DYNC1H1: variants seen among roughly 807,000 people sequenced by gnomAD.
DYNC1H1 encodes the protein cytoplasmic dynein 1 heavy chain 1.
DYNC1H1 carries 51 observed loss-of-function variants against 527.1 expected under a neutral mutation model. The ratio of observed to expected loss-of-function variants is 0.10; its 90% CI spans 0.08 to 0.12. DYNC1H1 has a LOEUF of 0.12. Ranked by LOEUF, DYNC1H1 falls within the 10% of genes least tolerant of loss-of-function variation. The pLI, the probability that DYNC1H1 is intolerant of heterozygous loss-of-function variation, is 1.00. For synonymous variants in DYNC1H1, 2,189 were observed against 2,278.8 expected (o/e 0.96, Z 1.12); for missense variants, 2,771 against 5,971.8 (o/e 0.46, Z 17.66).
At position 102,005,373 on chromosome 14, in the gene DYNC1H1, AG is replaced by A; in HGVS notation, c.5433+140del. 8.1e-7 allele frequency: 1 copy of A among 1,239,342 alleles called. No individual in the cohort carries two copies. The highest frequency in any genetic ancestry group is 2.3e-5 in the East Asian group (1 of 43,092). 76.8% of individuals were successfully genotyped at this position (1,239,342 alleles called of 1,614,324 possible). On this transcript the variant is annotated intron_variant, in intron 26 of 77. Transcript: ENST00000360184. The surrounding 1 kb of genome is among the most constrained non-coding windows in gnomAD (Gnocchi z 4.0). Reference sequence around the variant, plus strand: ...GTGGATGGTGTATGGATATCCTCTGAGGGTGGGCATTTGGCTCCCTGTCCCT... The same window carrying A: ...GTGGATGGTGTATGGATATCCTCTGAGGTGGGCATTTGGCTCCCTGTCCCT...
intron 1 of DYNC1H1, among the ~76,000 whole-genome samples, chr14:101,966,430 A>G (rs2047669038): frequency 6.7e-6 from 1 of 150,254 alleles, no homozygotes; most frequent in African/African-American, 2.4e-5. Flanking sequence ...AAATTTATCT[A>G]CTCTTTTTTT....
In DYNC1H1 at chr14:102,009,798, T is replaced by G. The variant is rs1213738063; in HGVS notation, c.5978-45T>G. On this transcript the variant is annotated intron_variant, in intron 29 of 77. Transcript: ENST00000360184. Reference sequence around the variant, plus strand: ...GACATTTTAGAATGCATTTTGTTTTTTTTTTTTAACATTTCTAGTCTTAAC... The same window carrying G: ...GACATTTTAGAATGCATTTTGTTTTGTTTTTTTAACATTTCTAGTCTTAAC... The G allele has an allele frequency of 3.1e-6, 5 of 1,613,598 alleles. No individual in the cohort carries two copies. In the African/African-American group the frequency reaches 4.0e-5, roughly 13 times the overall value.
At chr14:101,967,417 C>A (rs2047680917) in intron 1 of DYNC1H1, among the ~76,000 whole-genome samples, 4 of 152,148 alleles carry the variant, frequency 2.6e-5, no homozygotes, top group Admixed American at 6.5e-5. Flanking sequence ...TTATTCCTTC[C>A]ACTTTTTTTG....
chr14:102,011,057 G>GT lies in DYNC1H1; in HGVS notation c.6618+106dup, dbSNP rs781138843. ...TTCGATGAAACTGTCCACAAAGGCT[G>GT]TGGAGGTGCATAATATGCTTTATGA... On this transcript the variant is annotated intron_variant, in intron 32 of 77. Transcript: ENST00000360184. This position sits in a 1 kb window ranked among gnomAD's most constrained non-coding sequence, Gnocchi z 5.3. 12 of 1,211,982 alleles carry GT rather than the reference G, an allele frequency of 9.9e-6. No homozygotes were observed. The highest frequency in any genetic ancestry group is 1.5e-5 in the Non-Finnish European group (12 of 819,278). The allele number at this position is 1,211,982 out of a possible 1,614,324, so 75.1% of individuals were successfully genotyped here.
At position 101,985,727 on chromosome 14, in the gene DYNC1H1, A is replaced by C; in HGVS notation, c.1502A>C (p.Glu501Ala). Residue 501 changes from glutamate (E) to alanine (A), a missense_variant, in exon 8 of 78, where the codon GAA becomes GCA. Transcript: ENST00000360184. The surrounding 1 kb of genome is among the most constrained non-coding windows in gnomAD (Gnocchi z 5.9). ...CAACAGAATCAAGGAGAGGTCCCTG[A>C]ACCCCAAGATATGAAAGTGGCTGAG... is the stretch of plus-strand genomic sequence containing the variant. Reference protein sequence around the residue: ...VAQQNQGEVPEPQDMKVAEVL... With the variant: ...VAQQNQGEVPAPQDMKVAEVL... 6.2e-7 allele frequency: 1 copy of C among 1,614,218 alleles called. No homozygotes were observed. The highest frequency in any genetic ancestry group is 8.5e-7 in the Non-Finnish European group (1 of 1,180,048).
At position 102,018,376 on chromosome 14, in the gene DYNC1H1, G is replaced by A. The variant is rs567418558; in HGVS notation, c.8178-75G>A. 3.9e-5 allele frequency: 62 copies of A among 1,576,092 alleles called. No homozygotes were observed. Among genetic ancestry groups the A allele is most frequent in the Non-Finnish European group, 4.3e-5 (50 of 1,165,580 alleles). On this transcript the variant is annotated intron_variant, in intron 40 of 77. Transcript: ENST00000360184. The surrounding 1 kb of genome is among the most constrained non-coding windows in gnomAD (Gnocchi z 5.2). ...CTCCAGACAGGGCCCTGGACAGGGC[G>A]ACTCCACTGGCACACTGCCCCTTCC...
chr14:101,985,000 G>C (rs928176814), intron 7 of DYNC1H1, among the ~76,000 whole-genome samples: 1 of 148,668 alleles, frequency 6.7e-6, no homozygotes, highest in Non-Finnish European at 1.5e-5. Context: ...GGCTGGTCTC[G>C]AGCTCCTGAC....
At chr14:102,026,767 T>C (rs1205117379) in intron 44 of DYNC1H1, 60 bp downstream of exon 44, 2 of 1,592,706 alleles carry the variant, frequency 1.3e-6, no homozygotes, top group African/African-American at 2.7e-5. Context: ...AGTAAGTGTG[T>C]GTGCCGGGTC....
chr14:102,028,243 G>C (rs1422639271), intron 48 of DYNC1H1, 102 bp downstream of exon 48: 4 of 1,388,978 alleles, frequency 2.9e-6, no homozygotes, highest in Non-Finnish European at 4.0e-6. Flanking sequence ...CAGGTGCAGT[G>C]ACTCATGCCT....
chr14:102,040,222 T>TG lies in DYNC1H1; in HGVS notation c.11691-13dup. On this transcript the variant is annotated splice_polypyrimidine_tract_variant and intron_variant, in intron 62 of 77. Transcript: ENST00000360184. Reference sequence around the variant, plus strand: ...ACGTGAGAGACCCTAGCTAACCTGTTGCACCCTTCGCAGGGAGCCCACCTA... The same window carrying TG: ...ACGTGAGAGACCCTAGCTAACCTGTTGGCACCCTTCGCAGGGAGCCCACCTA... 2.5e-6 allele frequency: 4 copies of TG among 1,614,120 alleles called. No individual in the cohort carries two copies. Among genetic ancestry groups the TG allele is most frequent in the Non-Finnish European group, 3.4e-6 (4 of 1,180,036 alleles).
Position 102,036,341 on chromosome 14 carries a change from G to A in DYNC1H1, c.10755-148G>A. ...TAGCATTAAGCATGTAAGCTTTATT[G>A]GTAAACCTGAAAACGTCTCCGGAAA... On this transcript the variant is annotated intron_variant, in intron 56 of 77. Coordinates refer to ENST00000360184, the MANE Select transcript of DYNC1H1 (RefSeq NM_001376.5). The surrounding 1 kb of genome is among the most constrained non-coding windows in gnomAD (Gnocchi z 5.6). 2 of 954,734 alleles carry A rather than the reference G, an allele frequency of 2.1e-6. No individual in the cohort carries two copies. Among genetic ancestry groups the A allele is most frequent in the Non-Finnish European group, 3.3e-6 (2 of 607,222 alleles). 59.1% of individuals were successfully genotyped at this position (954,734 alleles called of 1,614,324 possible). A position where few individuals can be genotyped will look rare whatever the true frequency, so the allele number is the denominator to read the frequency against.
At chr14:101,981,263 A>G (rs140059103) in intron 5 of DYNC1H1, among the ~76,000 whole-genome samples, 130 of 152,152 alleles carry the variant, frequency 8.5e-4, no homozygotes, top group Non-Finnish European at 1.6e-3. Flanking sequence ...AGCTGGGACT[A>G]CAGGGATGTA....
chr14:101,996,575 A>C (rs7151151), intron 15 of DYNC1H1, among the ~76,000 whole-genome samples: 19,701 of 152,104 alleles, frequency 0.13, 1,989 homozygotes, highest in African/African-American at 0.28. Flanking sequence ...TCTGGCCACG[A>C]TGTCTTAGGA....
chr14:101,983,345 C>G lies in DYNC1H1; in HGVS notation c.1234-37C>G, dbSNP rs191457034. 4 of 1,613,792 alleles carry G rather than the reference C, an allele frequency of 2.5e-6. No individual in the cohort carries two copies. The East Asian group carries it at 6.7e-5, about 27-fold the overall frequency. On this transcript the variant is annotated intron_variant, in intron 6 of 77. Coordinates refer to ENST00000360184, the MANE Select transcript of DYNC1H1 (RefSeq NM_001376.5). The surrounding 1 kb of genome is among the most constrained non-coding windows in gnomAD (Gnocchi z 5.3). ...TCAAGACATTGAGATGAAAATATGT[C>G]TTAATAATAAGCCTCACTTTTGAAA... is the stretch of plus-strand genomic sequence containing the variant.
At chr14:102,034,258 T>TA (rs2048544636) in intron 55 of DYNC1H1, 67 bp from the exon 56 acceptor site, 2 of 1,614,126 alleles carry the variant, frequency 1.2e-6, no homozygotes, top group Non-Finnish European at 1.7e-6. Flanking sequence ...AGTGCACAGT[T>TA]AGAGTCTTGA....
At chr14:101,991,782 A>C in intron 11 of DYNC1H1, 109 bp downstream of exon 11, 1 of 1,497,348 alleles carries the variant, frequency 6.7e-7, no homozygotes, top group Non-Finnish European at 9.2e-7. Flanking sequence ...TGTTGTTTAC[A>C]AACTCCAGAC....
rs1311975935 is a variant in DYNC1H1 at position 102,042,581 on chromosome 14, G to A, written c.12400-54G>A. 3 of 1,613,554 alleles carry A rather than the reference G, an allele frequency of 1.9e-6. No individual in the cohort carries two copies. The highest frequency in any genetic ancestry group is 1.1e-5 in the South Asian group (1 of 91,000). ...CTGTCGGCACGTGTGTGGTGGAATT[G>A]AACAGGCGCCCTCATCCACACCCGA... is the stretch of plus-strand genomic sequence containing the variant. On this transcript the variant is annotated intron_variant, in intron 68 of 77. Transcript: ENST00000360184. The surrounding 1 kb of genome is among the most constrained non-coding windows in gnomAD (Gnocchi z 5.7).
Position 101,980,360 on chromosome 14 carries a change from A to AT in DYNC1H1, c.775-4_775-3insT. On this transcript the variant is annotated splice_polypyrimidine_tract_variant and splice_region_variant and intron_variant, in intron 4 of 77. Coordinates refer to ENST00000360184, the MANE Select transcript of DYNC1H1 (RefSeq NM_001376.5). The stretch of plus-strand genomic sequence containing the variant: ...TACCCTTGGGTGTTATTTTATTTTC[A>AT]AAGGTGACCAAACTGGATCGAGATC... The AT allele has an allele frequency of 6.2e-7, 1 of 1,614,068 alleles. No homozygotes were observed. The highest frequency in any genetic ancestry group is 8.5e-7 in the Non-Finnish European group (1 of 1,180,036).
chr14:102,047,667 A>G, intron 72 of DYNC1H1, 150 bp from the exon 73 acceptor site: 1 of 638,306 alleles, frequency 1.6e-6, no homozygotes, highest in Non-Finnish European at 2.8e-6. Context: ...ATATATATGT[A>G]CACACGGCTG....
Sources: allele counts gnomAD v4.1 joint callset (sites outside exome capture counted in the v4.1 genomes callset), GRCh38; gene constraint gnomAD v4.1.1; non-coding constraint Gnocchi (gnomAD v3.1); transcripts MANE v1.5; gene names NCBI Gene and HGNC (gene_info 2026-07-23, HGNC 2026-07-21).